The following NEIL3 variants were observed in gnomAD, a reference collection of about 807,000 sequenced individuals.
The protein encoded by NEIL3 is nei like DNA glycosylase 3.
A neutral mutation model predicts 57.5 loss-of-function variants in NEIL3; 48 were observed. The observed-to-expected ratio is 0.83, with a 90% CI of 0.66 to 1.06. The LOEUF (loss-of-function observed/expected upper bound fraction) is 1.06. Ranked by LOEUF, NEIL3 falls within the 50% of genes least tolerant of loss-of-function variation. NEIL3 has a pLI of 0.00. For synonymous variants in NEIL3, 261 were observed against 253.2 expected, an observed-to-expected ratio of 1.03 and a Z score of -0.29; for missense variants, 717 against 739.1, an observed-to-expected ratio of 0.97 and a Z score of 0.35.
chr4:177,330,646 C>G (rs904216524), intron 2 of NEIL3, among the ~76,000 whole-genome samples: 6 of 152,088 alleles, frequency 3.9e-5, no homozygotes, highest in Non-Finnish European at 8.8e-5. Context: ...TAGCTCAATG[C>G]AGTCCAATAT....
intron 3 of NEIL3, 89 bp downstream of exon 3, chr4:177,335,911 T>G (rs1055983645): frequency 7.8e-7 from 1 of 1,279,476 alleles, no homozygotes; most frequent in African/African-American, 1.5e-5. Context: ...AACAAATAAA[T>G]AAAGAGTTTG....
chr4:177,357,017 G>A (rs1735486904), intron 8 of NEIL3: 1 of 152,182 alleles, frequency 6.6e-6, no homozygotes, highest in Non-Finnish European at 1.5e-5. Flanking sequence ...CAGGGATGTT[G>A]AAGATCTGTC....
chr4:177,365,996 C>T (rs1735687583), downstream of NEIL3, among the ~76,000 whole-genome samples: 2 of 152,056 alleles, frequency 1.3e-5, no homozygotes, highest in Admixed American at 1.3e-4. Context: ...CTAAGATGGC[C>T]CAGATGTTGA....
At chr4:177,333,645 CT>C (rs1734922389) in intron 2 of NEIL3, among the ~76,000 whole-genome samples, 1 of 152,162 alleles carries the variant, frequency 6.6e-6, no homozygotes. Flanking sequence ...TCACTGAAAT[CT>C]TCTATAGTCT....
At chr4:177,347,158 G>T (rs950252189) in intron 6 of NEIL3, among the ~76,000 whole-genome samples, 1 of 152,166 alleles carries the variant, frequency 6.6e-6, no homozygotes, top group Non-Finnish European at 1.5e-5. Flanking sequence ...AGATAAGTCC[G>T]TGGGGAGGAC....
chr4:177,332,693 CG>C (rs1376665139), intron 2 of NEIL3, among the ~76,000 whole-genome samples: 2 of 151,988 alleles, frequency 1.3e-5, no homozygotes, highest in Non-Finnish European at 2.9e-5. Context: ...TCTGGGGCTC[CG>C]GGGATTCTAA....
At chr4:177,351,681 T>C (rs1179848013) in intron 7 of NEIL3, 132 bp downstream of exon 7, 8 of 731,318 alleles carry the variant, frequency 1.1e-5, no homozygotes, top group Non-Finnish European at 1.6e-5. Context: ...TTTAAAGGAA[T>C]TGCCAGTTTT....
intron 6 of NEIL3, chr4:177,343,102 G>A (rs1021637979): frequency 6.6e-6 from 1 of 152,160 alleles, no homozygotes; most frequent in Non-Finnish European, 1.5e-5. Context: ...AGTCAACAAG[G>A]ACTGTGGCAG....
intron 5 of NEIL3, 54 bp downstream of exon 5, chr4:177,339,911 T>A (rs1444074853): frequency 2.0e-5 from 25 of 1,236,232 alleles, no homozygotes; most frequent in Non-Finnish European, 2.9e-5. Context: ...TGGTTTCCTT[T>A]TGGAGTGCAC....
At chr4:177,355,387 T>C (rs1164952957) in intron 8 of NEIL3, among the ~76,000 whole-genome samples, 5 of 152,230 alleles carry the variant, frequency 3.3e-5, no homozygotes, top group African/African-American at 1.2e-4. Flanking sequence ...GCATATAACC[T>C]ATGCACACCT....
At chr4:177,327,311 A>G (rs1414282888) in intron 2 of NEIL3, among the ~76,000 whole-genome samples, 1 of 152,216 alleles carries the variant, frequency 6.6e-6, no homozygotes, top group African/African-American at 2.4e-5. Flanking sequence ...TAAACTCGTT[A>G]TAGTTCTAGT....
chr4:177,345,012 A>G (rs1735184438), intron 6 of NEIL3, among the ~76,000 whole-genome samples: 1 of 152,170 alleles, frequency 6.6e-6, no homozygotes, highest in Non-Finnish European at 1.5e-5. Context: ...AGGGTCTGCT[A>G]TACACCAGGT....
Position 177,327,916 on chromosome 4 carries a change from G to A in NEIL3, c.278+5336G>A, listed in dbSNP as rs111668038. ...ATACTCCACTTTGTCATGATGGATT[G>A]TCCTTTCTATATGTTTCTGGATTCG... On this transcript the variant is annotated intron_variant, in intron 2 of 9. Coordinates refer to ENST00000264596, the MANE Select transcript of NEIL3 (RefSeq NM_018248.3). Among the ~76,000 whole-genome samples the A allele has an allele frequency of 8.7e-3, 1,327 of 152,184 alleles. 18 individuals carry two copies. The highest frequency in any genetic ancestry group is 0.03 in the African/African-American group (1,259 of 41,512).
chr4:177,351,206 C>CAAAAAAAAAAAA lies in NEIL3; in HGVS notation c.870-153_870-142dup, dbSNP rs749430879. ...ATGACAGAGCAAGACCCCATCTCTA[C>CAAAAAAAAAAAA]AAAAAAAAAAAAAAAAAAAAAAAAA... On this transcript the variant is annotated intron_variant, in intron 6 of 9. Coordinates refer to ENST00000264596, the MANE Select transcript of NEIL3 (RefSeq NM_018248.3). Among the ~76,000 whole-genome samples, 16 of 58,520 alleles carry CAAAAAAAAAAAA rather than the reference C, an allele frequency of 2.7e-4. 1 individual carries two copies. Among genetic ancestry groups the CAAAAAAAAAAAA allele is most frequent in the African/African-American group, 7.0e-4 (9 of 12,832 alleles). The allele number at this position is 58,520 out of a possible 152,430, so 38.4% of individuals were successfully genotyped here.
At chr4:177,323,517 G>A (rs948085833) in intron 2 of NEIL3, among the ~76,000 whole-genome samples, 7 of 152,146 alleles carry the variant, frequency 4.6e-5, no homozygotes, top group African/African-American at 1.7e-4. Flanking sequence ...CCTTTGAGGT[G>A]TTCTCTTTTC....
chr4:177,346,442 T>C (rs1432157084), intron 6 of NEIL3, among the ~76,000 whole-genome samples: 1 of 152,230 alleles, frequency 6.6e-6, no homozygotes, highest in Admixed American at 6.5e-5. Flanking sequence ...GTGTTGGAAC[T>C]ACAGGCATAA....
chr4:177,319,014 T>G (rs145637122), intron 1 of NEIL3, among the ~76,000 whole-genome samples: 1 of 152,270 alleles, frequency 6.6e-6, no homozygotes, highest in East Asian at 1.9e-4. Flanking sequence ...GTGCCACTTT[T>G]GTTGTAGACA....
intron 5 of NEIL3, among the ~76,000 whole-genome samples, chr4:177,340,508 T>G (rs952299729): frequency 1.3e-5 from 2 of 152,340 alleles, no homozygotes; most frequent in African/African-American, 4.8e-5. Context: ...ATTTTTACTA[T>G]GTTCAGAAAG....
downstream of NEIL3, among the ~76,000 whole-genome samples, chr4:177,365,976 A>T (rs67277327): frequency 3.3e-5 from 5 of 152,144 alleles, no homozygotes; most frequent in South Asian, 1.0e-3. Context: ...AAAGACAACC[A>T]AGACCCACCC....
Sources: gnomAD v4.1 joint callset for allele counts (sites outside exome capture counted in the v4.1 genomes callset) on GRCh38, gnomAD v4.1.1 for gene constraint, MANE v1.5 for transcripts, NCBI Gene and HGNC (gene_info 2026-07-23, HGNC 2026-07-21) for gene names.